The following NPNT variants were observed in gnomAD, a reference collection of about 807,000 sequenced individuals.
NPNT encodes nephronectin.
Under a neutral mutation model 68.6 loss-of-function variants are expected in NPNT, and 45 were observed. That is an observed-to-expected ratio of 0.66 (90% CI 0.52 to 0.84). The LOEUF is 0.84. Among genes scored for constraint, NPNT ranks in the 40% least tolerant of loss-of-function variants. The pLI is 0.00. For synonymous variants in NPNT, 233 were observed against 253.3 expected (o/e 0.92, Z 0.76); for missense variants, 672 against 714.8 (o/e 0.94, Z 0.68).
At chr4:105,950,818 T>G (rs987123360) in intron 8 of NPNT, among the ~76,000 whole-genome samples, 1 of 152,166 alleles carries the variant, frequency 6.6e-6, no homozygotes, top group Non-Finnish European at 1.5e-5. Context: ...AGACAGGGTT[T>G]CACCATGTTG....
At chr4:105,899,400 G>A (rs1207808791) in intron 2 of NPNT, among the ~76,000 whole-genome samples, 2 of 152,122 alleles carry the variant, frequency 1.3e-5, no homozygotes, top group Non-Finnish European at 2.9e-5. Flanking sequence ...AAATACTTCT[G>A]ATACTACAGA....
Position 105,936,948 on chromosome 4 carries a change from G to C in NPNT, c.266-61G>C, listed in dbSNP as rs1729538374. ...TTTTTTAATATAGAAAAGAATTTTA[G>C]ATGGCTTACATTAGTGCTGAGGTTT... On this transcript the variant is annotated intron_variant, in intron 3 of 11. Coordinates refer to ENST00000379987, the MANE Select transcript of NPNT (RefSeq NM_001033047.3). The C allele has an allele frequency of 2.6e-6, 4 of 1,519,158 alleles. No individual in the cohort carries two copies. The Admixed American group carries it at 9.1e-5, about 34-fold the overall frequency. The allele number at this position is 1,519,158 out of a possible 1,614,324, so 94.1% of individuals were successfully genotyped here.
At chr4:105,968,633 T>G (rs898430660) in intron 11 of NPNT, among the ~76,000 whole-genome samples, 4 of 152,244 alleles carry the variant, frequency 2.6e-5, no homozygotes, top group Admixed American at 2.0e-4. Flanking sequence ...TAAACAATCC[T>G]AAATCGAATT....
intron 3 of NPNT, among the ~76,000 whole-genome samples, chr4:105,935,581 T>G (rs1729432375): frequency 6.6e-6 from 1 of 152,210 alleles, no homozygotes; most frequent in Admixed American, 6.5e-5. Flanking sequence ...TTTGAAATAT[T>G]TAAAATGTGA....
At chr4:105,938,547 A>G (rs1729682584) in intron 5 of NPNT, 127 bp downstream of exon 5, 2 of 926,742 alleles carry the variant, frequency 2.2e-6, no homozygotes, top group Non-Finnish European at 3.2e-6. Context: ...CGTTCAGAAG[A>G]TATCAGATGT....
chr4:105,949,434 G>A (rs920687535), intron 8 of NPNT, among the ~76,000 whole-genome samples: 2 of 152,110 alleles, frequency 1.3e-5, no homozygotes, highest in Non-Finnish European at 2.9e-5. Flanking sequence ...CTAATGGGTT[G>A]ATCTTGGATT....
At chr4:105,933,827 C>T (rs1294079518) in intron 3 of NPNT, among the ~76,000 whole-genome samples, 1 of 152,138 alleles carries the variant, frequency 6.6e-6, no homozygotes, top group East Asian at 1.9e-4. Flanking sequence ...CCCATCCAAG[C>T]TCCTGAATCC....
intron 2 of NPNT, among the ~76,000 whole-genome samples, chr4:105,922,037 C>A (rs528544948): frequency 4.6e-5 from 7 of 152,198 alleles, no homozygotes; most frequent in Admixed American, 4.6e-4. Context: ...GGTGCCATGT[C>A]TGCATAATAA....
intron 2 of NPNT, among the ~76,000 whole-genome samples, chr4:105,915,737 G>A (rs10027609): frequency 0.093 from 14,132 of 152,186 alleles, 1,339 homozygotes; most frequent in African/African-American, 0.25. Flanking sequence ...AGTTTGAAGC[G>A]CTTGTGAGAC....
At chr4:105,904,458 C>A (rs1040345296) in intron 2 of NPNT, among the ~76,000 whole-genome samples, 1 of 152,082 alleles carries the variant, frequency 6.6e-6, no homozygotes, top group Non-Finnish European at 1.5e-5. Context: ...CTTTTCTTTC[C>A]CAAGAAATCC....
chr4:105,903,523 A>C (rs775301296), intron 2 of NPNT, among the ~76,000 whole-genome samples: 1 of 152,218 alleles, frequency 6.6e-6, no homozygotes, highest in Non-Finnish European at 1.5e-5. Context: ...TTTTTCCACC[A>C]ATCTTTGGAA....
At chr4:105,927,134 T>TAC (rs1275682876) in intron 2 of NPNT, 4 of 348,688 alleles carry the variant, frequency 1.1e-5, no homozygotes, top group African/African-American at 2.1e-5. Context: ...CCCCAACTGA[T>TAC]ACACACACAT....
chr4:105,930,183 T>G (rs957546510), intron 3 of NPNT, among the ~76,000 whole-genome samples: 1 of 152,230 alleles, frequency 6.6e-6, no homozygotes, highest in Non-Finnish European at 1.5e-5. Flanking sequence ...TTTATGCTCC[T>G]TGAGAGCAGA....
intron 5 of NPNT, among the ~76,000 whole-genome samples, 176 bp downstream of exon 5, chr4:105,938,596 G>A (rs542651529): frequency 4.6e-5 from 7 of 152,320 alleles, no homozygotes; most frequent in South Asian, 2.1e-4. Flanking sequence ...TAATGGGAGC[G>A]TTGTTTTTTA....
intron 10 of NPNT, among the ~76,000 whole-genome samples, chr4:105,962,499 T>C (rs754620749): frequency 6.6e-6 from 1 of 152,108 alleles, no homozygotes; most frequent in Non-Finnish European, 1.5e-5. Flanking sequence ...GAGTGAGTTA[T>C]CTTGGTGGAA....
intron 10 of NPNT, among the ~76,000 whole-genome samples, chr4:105,966,861 C>T (rs1449316261): frequency 1.3e-5 from 2 of 152,046 alleles, no homozygotes; most frequent in African/African-American, 2.4e-5. Context: ...TGGTGAGGGT[C>T]ACAAGGTGGT....
chr4:105,913,466 A>G (rs10013058), intron 2 of NPNT, among the ~76,000 whole-genome samples: 3,063 of 152,300 alleles, frequency 0.02, 104 homozygotes, highest in African/African-American at 0.068. Context: ...TACCACCTGT[A>G]AGAAACTAGA....
At chr4:105,925,249 G>C (rs973889925) in intron 2 of NPNT, among the ~76,000 whole-genome samples, 14 of 152,100 alleles carry the variant, frequency 9.2e-5, no homozygotes, top group African/African-American at 2.7e-4. Flanking sequence ...TTTAAAATCA[G>C]ATTTTAAGAA....
In NPNT at chr4:105,929,200, T is replaced by C. The variant is rs190902234; in HGVS notation, c.265+1772T>C. Among the ~76,000 whole-genome samples the C allele has an allele frequency of 5.5e-4, 84 of 152,090 alleles. 1 individual carries two copies. The highest frequency in any genetic ancestry group is 6.8e-4 in the Non-Finnish European group (46 of 67,998). ...CCCACTTATGAATGAAAACATGCAGTGTTTAGTTTTCTGTTCCTGTGTTAA... is the reference window on the plus strand; with the variant it reads ...CCCACTTATGAATGAAAACATGCAGCGTTTAGTTTTCTGTTCCTGTGTTAA... On this transcript the variant is annotated intron_variant, in intron 3 of 11. Transcript: ENST00000379987.
Sources: gnomAD v4.1 joint callset for allele counts (sites outside exome capture counted in the v4.1 genomes callset) on GRCh38, gnomAD v4.1.1 for gene constraint, MANE v1.5 for transcripts, NCBI Gene and HGNC (gene_info 2026-07-23, HGNC 2026-07-21) for gene names.